PHACTR2: variants seen among roughly 807,000 people sequenced by gnomAD.
PHACTR2 encodes phosphatase and actin regulator 2, also known as chromosome 6 open reading frame 56.
A neutral mutation model predicts 76.0 loss-of-function variants in PHACTR2; 30 were observed. The ratio of observed to expected loss-of-function variants is 0.39; its 90% CI spans 0.30 to 0.54. The LOEUF (loss-of-function observed/expected upper bound fraction) is 0.54. PHACTR2 is among the 20% of genes least tolerant of loss of function. The pLI is 0.61. For synonymous variants in PHACTR2, 292 were observed against 292.5 expected, an observed-to-expected ratio of 1.00 and a Z score of 0.02; for missense variants, 696 against 781.1, an observed-to-expected ratio of 0.89 and a Z score of 1.30.
intron 1 of PHACTR2, among the ~76,000 whole-genome samples, chr6:143,704,095 C>CTGTGTGTGTGTGTG (rs759683885): frequency 6.9e-6 from 1 of 144,128 alleles, no homozygotes; most frequent in Non-Finnish European, 1.5e-5. Context: ...GTGTGTGTGT[C>CTGTGTGTGTGTGTG]TGTGTGTGTG....
At chr6:143,763,338 G>A (rs1197564035) in intron 5 of PHACTR2, among the ~76,000 whole-genome samples, 1 of 151,976 alleles carries the variant, frequency 6.6e-6, no homozygotes, top group Admixed American at 6.6e-5. Context: ...CAGTCTGGGT[G>A]ACAGAGGGAG....
rs140244589 is a variant in PHACTR2, at chr6:143,774,614, T to C, written c.1589+399T>C. Among the ~76,000 whole-genome samples the C allele has an allele frequency of 6.6e-6, 1 of 152,350 alleles. No homozygotes were observed. The highest frequency in any genetic ancestry group is 1.9e-4 in the East Asian group (1 of 5,190). Reference sequence around the variant, plus strand: ...TTTATTCATAAAGCTGGATTTGGCCTGCAGATCACAGTTTGCTCAACAATC... The same window carrying C: ...TTTATTCATAAAGCTGGATTTGGCCCGCAGATCACAGTTTGCTCAACAATC... On this transcript the variant is annotated intron_variant, in intron 8 of 12. Coordinates refer to ENST00000440869, the MANE Select transcript of PHACTR2 (RefSeq NM_001100164.2). This position sits in a 1 kb window ranked among gnomAD's most constrained non-coding sequence, Gnocchi z 5.4.
At chr6:143,605,357 C>T (rs980212096), upstream of PHACTR2, among the ~76,000 whole-genome samples, 8 of 152,188 alleles carry the variant, frequency 5.3e-5, no homozygotes, top group African/African-American at 1.7e-4. This position sits in a 1 kb window ranked among gnomAD's most constrained non-coding sequence, Gnocchi z 5.0. Context: ...ACCATGCCCA[C>T]AGCATCTCTG....
At position 143,791,889 on chromosome 6, in the gene PHACTR2, C is replaced by T. The variant is rs1334349491; in HGVS notation, c.1845+2979C>T. ...AGTACTATGAATTGAAGCAGCAAAC[C>T]TCTGTGATGTTTAGCTGATGGCTTC... On this transcript the variant is annotated intron_variant, in intron 11 of 12. Transcript: ENST00000440869. This position sits in a 1 kb window ranked among gnomAD's most constrained non-coding sequence, Gnocchi z 4.7. Among the ~76,000 whole-genome samples the T allele has an allele frequency of 6.6e-6, 1 of 151,948 alleles. No individual in the cohort carries two copies. Among genetic ancestry groups the T allele is most frequent in the Non-Finnish European group, 1.5e-5 (1 of 67,984 alleles).
In PHACTR2 at chr6:143,711,201, T is replaced by C. The variant is rs191369494; in HGVS notation, c.47-815T>C. 1.1e-5 allele frequency: 4 copies of C among 357,152 alleles called. No individual in the cohort carries two copies. The East Asian group carries it at 3.0e-4, about 27-fold the overall frequency. The allele number at this position is 357,152 out of a possible 1,614,324, so 22.1% of individuals were successfully genotyped here. Reference sequence around the variant, plus strand: ...AGAAAAAACTACTGTTTTGATTTTTTCTTTTTTGCCATAATTTCAAGTGCT... The same window carrying C: ...AGAAAAAACTACTGTTTTGATTTTTCCTTTTTTGCCATAATTTCAAGTGCT... On this transcript the variant is annotated intron_variant, in intron 1 of 12. Coordinates refer to ENST00000440869, the MANE Select transcript of PHACTR2 (RefSeq NM_001100164.2).
At position 143,776,003 on chromosome 6, in the gene PHACTR2, C is replaced by T. The variant is rs143943232; in HGVS notation, c.1590-1325C>T. On this transcript the variant is annotated intron_variant, in intron 8 of 12. Coordinates refer to ENST00000440869, the MANE Select transcript of PHACTR2 (RefSeq NM_001100164.2). The surrounding 1 kb of genome is among the most constrained non-coding windows in gnomAD (Gnocchi z 5.3). ...AATATTAGCCAGCTATGATGACTGGCACCTGTAATCCCAGCTACTCAGGAG... is the reference window on the plus strand; with the variant it reads ...AATATTAGCCAGCTATGATGACTGGTACCTGTAATCCCAGCTACTCAGGAG... Among the ~76,000 whole-genome samples, 501 of 152,212 alleles carry T rather than the reference C, an allele frequency of 3.3e-3. 2 individuals are homozygous for T. The highest frequency in any genetic ancestry group is 0.01 in the Middle Eastern group (3 of 294).
chr6:143,768,810 T>C (rs1432700168), intron 6 of PHACTR2, among the ~76,000 whole-genome samples: 1 of 152,218 alleles, frequency 6.6e-6, no homozygotes, highest in Non-Finnish European at 1.5e-5. Flanking sequence ...AAGGTAGTTA[T>C]AATGCTTTCC....
chr6:143,545,729 G>C (rs9654617), intron 1 of PHACTR2, among the ~76,000 whole-genome samples: 3,241 of 152,112 alleles, frequency 0.021, 121 homozygotes, highest in African/African-American at 0.074. Flanking sequence ...ACCCCTCATA[G>C]AAACAACTCA....
At chr6:143,805,956 C>G (rs1776054209) in intron 11 of PHACTR2, among the ~76,000 whole-genome samples, 1 of 152,160 alleles carries the variant, frequency 6.6e-6, no homozygotes, top group African/African-American at 2.4e-5. Context: ...TATTTTCCAA[C>G]CACAAAGAAG....
chr6:143,631,697 T>G (rs1308521397), intron 1 of PHACTR2, among the ~76,000 whole-genome samples: 1 of 152,168 alleles, frequency 6.6e-6, no homozygotes, highest in African/African-American at 2.4e-5. Flanking sequence ...GAGGTCTCAT[T>G]GACAAAGTTC....
In PHACTR2 at chr6:143,561,704, G is replaced by A. The variant is rs1313102955; in HGVS notation, c.217+24497G>A. On this transcript the variant is annotated intron_variant, in intron 1 of 11. Coordinates refer to the PHACTR2 transcript ENST00000367584. The surrounding 1 kb of genome is among the most constrained non-coding windows in gnomAD (Gnocchi z 4.1). Reference sequence around the variant, plus strand: ...GTGACCTTGAATGAAAGACGTTTGAGGGGAGTGGAAGGACAGGAATGGAGA... The same window carrying A: ...GTGACCTTGAATGAAAGACGTTTGAAGGGAGTGGAAGGACAGGAATGGAGA... Among the ~76,000 whole-genome samples the A allele has an allele frequency of 1.3e-5, 2 of 152,186 alleles. No homozygotes were observed. Among genetic ancestry groups the A allele is most frequent in the African/African-American group, 4.8e-5 (2 of 41,440 alleles).
At chr6:143,814,770 T>G (rs1776263458) in intron 12 of PHACTR2, among the ~76,000 whole-genome samples, 1 of 151,978 alleles carries the variant, frequency 6.6e-6, no homozygotes, top group Non-Finnish European at 1.5e-5. Flanking sequence ...GCCTGGCTAA[T>G]TTTTTGTATT....
chr6:143,612,918 T>C (rs1010794258), intron 1 of PHACTR2, among the ~76,000 whole-genome samples: 5 of 152,258 alleles, frequency 3.3e-5, no homozygotes, highest in African/African-American at 1.2e-4. Context: ...TGTGCTATTT[T>C]AGCATTTTAG....
intron 1 of PHACTR2, among the ~76,000 whole-genome samples, chr6:143,666,411 T>G (rs1186851926): frequency 6.6e-6 from 1 of 152,186 alleles, no homozygotes; most frequent in Non-Finnish European, 1.5e-5. Flanking sequence ...GATTGCTGGG[T>G]CAGTTGGTAT....
At position 143,761,863 on chromosome 6, in the gene PHACTR2, G is replaced by A. The variant is rs1245932141; in HGVS notation, c.694+1223G>A. On this transcript the variant is annotated intron_variant, in intron 5 of 12. Transcript: ENST00000440869. The surrounding 1 kb of genome is among the most constrained non-coding windows in gnomAD (Gnocchi z 5.2). ...TCCTCTCATAATGTATGACCATAATGCTCAAATTCAGAGAGCGGTTTAGTT... is the reference window on the plus strand; with the variant it reads ...TCCTCTCATAATGTATGACCATAATACTCAAATTCAGAGAGCGGTTTAGTT... Among the ~76,000 whole-genome samples, 1 of 152,158 alleles carries A rather than the reference G, an allele frequency of 6.6e-6. No homozygotes were observed. Among genetic ancestry groups the A allele is most frequent in the Non-Finnish European group, 1.5e-5 (1 of 68,034 alleles).
chr6:143,717,569 C>CTT (rs11349813), intron 2 of PHACTR2, among the ~76,000 whole-genome samples: 23 of 143,200 alleles, frequency 1.6e-4, no homozygotes, highest in African/African-American at 5.6e-4. Context: ...TGCTTTAGGA[C>CTT]TTTTTTTTTT....
intron 1 of PHACTR2, among the ~76,000 whole-genome samples, chr6:143,637,083 G>A (rs947220989): frequency 1.3e-5 from 2 of 152,210 alleles, no homozygotes; most frequent in African/African-American, 4.8e-5. Flanking sequence ...GTGGCCTTCA[G>A]TGGTAGGGAT....
At chr6:143,813,046 G>A (rs1776213514) in intron 12 of PHACTR2, among the ~76,000 whole-genome samples, 1 of 152,154 alleles carries the variant, frequency 6.6e-6, no homozygotes, top group South Asian at 2.1e-4. Flanking sequence ...CAGAGAAAGT[G>A]TTAACATGTA....
chr6:143,758,005 C>T (rs531560421), intron 4 of PHACTR2, among the ~76,000 whole-genome samples: 3 of 151,672 alleles, frequency 2.0e-5, no homozygotes, highest in Admixed American at 2.0e-4. Flanking sequence ...TAAGAATTAC[C>T]AGAATGACAA....
Sources: allele counts gnomAD v4.1 joint callset (sites outside exome capture counted in the v4.1 genomes callset), GRCh38; gene constraint gnomAD v4.1.1; non-coding constraint Gnocchi (gnomAD v3.1); transcripts MANE v1.5; gene names NCBI Gene and HGNC (gene_info 2026-07-23, HGNC 2026-07-21).